The following B3GALT1 variants were observed in gnomAD, a reference collection of about 807,000 sequenced individuals.
The protein encoded by B3GALT1 is beta-1,3-galactosyltransferase 1, also known as UDP-Gal:betaGlcNAc beta 1,3-galactosyltransferase, polypeptide 1.
Under a neutral mutation model 23.2 loss-of-function variants are expected in B3GALT1, and 10 were observed. The ratio of observed to expected loss-of-function variants is 0.43; its 90% CI spans 0.27 to 0.73. B3GALT1 has a LOEUF of 0.73. B3GALT1 is among the 30% of genes least tolerant of loss of function. B3GALT1 has a pLI of 0.21. For synonymous variants in B3GALT1, 156 were observed against 141.5 expected (o/e 1.10, Z -0.73); for missense variants, 299 against 405.4 (o/e 0.74, Z 2.25).
rs573587038 is a variant in B3GALT1, at chr2:167,696,662, T to A, written c.-352+49696T>A. Among the ~76,000 whole-genome samples the A allele has an allele frequency of 3.9e-5, 6 of 152,290 alleles. No individual in the cohort carries two copies. The East Asian group carries it at 9.7e-4, about 25-fold the overall frequency. ...CATATAATAAAATATTTGGTCAAATTATATCCGAACAGAAGTTAATGTAGG... is the reference window on the plus strand; with the variant it reads ...CATATAATAAAATATTTGGTCAAATAATATCCGAACAGAAGTTAATGTAGG... On this transcript the variant is annotated intron_variant, in intron 3 of 4. Coordinates refer to ENST00000392690, the MANE Select transcript of B3GALT1 (RefSeq NM_020981.4).
chr2:167,455,792 C>T (rs975391081), intron 1 of B3GALT1, among the ~76,000 whole-genome samples: 1 of 152,180 alleles, frequency 6.6e-6, no homozygotes, highest in Admixed American at 6.5e-5. Context: ...GGATTAGAGA[C>T]ATGGGCCCTC....
At chr2:167,307,128 C>G (rs558666176) in intron 1 of B3GALT1, among the ~76,000 whole-genome samples, 3 of 151,556 alleles carry the variant, frequency 2.0e-5, no homozygotes, top group Non-Finnish European at 4.4e-5. Flanking sequence ...AAAAGATTAC[C>G]CATGGTAGTG....
chr2:167,573,750 A>G lies in B3GALT1; in HGVS notation c.-409-73159A>G, dbSNP rs551996364. 2.0e-5 allele frequency among the ~76,000 whole-genome samples: 3 copies of G among 151,818 alleles called. No individual in the cohort carries two copies. In the East Asian group the frequency reaches 5.8e-4, roughly 29 times the overall value. ...GTTCATTACACAAAGAATAGGCTAC[A>G]TAAATAACCTATTCCAATAATCCAG... On this transcript the variant is annotated intron_variant, in intron 2 of 4. Coordinates refer to ENST00000392690, the MANE Select transcript of B3GALT1 (RefSeq NM_020981.4).
rs1032112373 is a variant in B3GALT1, at chr2:167,874,037, G to C, written c.*4017G>C. On this transcript the variant is annotated 3_prime_UTR_variant, in exon 5 of 5. Coordinates refer to ENST00000392690, the MANE Select transcript of B3GALT1 (RefSeq NM_020981.4). ...AACCATTGGGACAAATAAACAGAAG[G>C]AGAACAAATGTGTCACTTCTCTTCT... 1 of 152,186 alleles carries C rather than the reference G, an allele frequency of 6.6e-6. No individual in the cohort carries two copies. Among genetic ancestry groups the C allele is most frequent in the Admixed American group, 6.5e-5 (1 of 15,280 alleles). 9.4% of individuals were successfully genotyped at this position (152,186 alleles called of 1,614,324 possible).
At chr2:167,674,232 A>G (rs1339382723) in intron 3 of B3GALT1, among the ~76,000 whole-genome samples, 4 of 152,172 alleles carry the variant, frequency 2.6e-5, no homozygotes, top group African/African-American at 4.8e-5. Context: ...CCTGCCAACA[A>G]TCTGTTCAGA....
chr2:167,700,383 C>G (rs59638424), intron 3 of B3GALT1, among the ~76,000 whole-genome samples: 16,931 of 152,052 alleles, frequency 0.11, 1,103 homozygotes, highest in East Asian at 0.34. Flanking sequence ...TTTATTACCA[C>G]TATAGAAATA....
intron 3 of B3GALT1, among the ~76,000 whole-genome samples, chr2:167,788,822 T>C (rs1394515871): frequency 6.6e-6 from 1 of 152,146 alleles, no homozygotes; most frequent in Non-Finnish European, 1.5e-5. Context: ...CCTAAGATAA[T>C]GACCAAGGGA....
At chr2:167,808,103 T>C (rs1367073494) in intron 3 of B3GALT1, among the ~76,000 whole-genome samples, 1 of 151,474 alleles carries the variant, frequency 6.6e-6, no homozygotes, top group Non-Finnish European at 1.5e-5. Flanking sequence ...AAGTCTGTTT[T>C]ATCAGAGACT....
chr2:167,451,687 C>G (rs1008853648), intron 1 of B3GALT1, among the ~76,000 whole-genome samples: 5 of 152,272 alleles, frequency 3.3e-5, no homozygotes, highest in Admixed American at 1.3e-4. Flanking sequence ...CAGGAGGTGG[C>G]TCTTTCAGGA....
intron 3 of B3GALT1, among the ~76,000 whole-genome samples, chr2:167,683,297 G>T (rs1375310): frequency 0.019 from 2,886 of 152,208 alleles, 213 homozygotes; most frequent in Admixed American, 0.13. Flanking sequence ...AAGGTGCAGG[G>T]TGATCAAAAT....
chr2:167,822,975 G>T (rs2105368205), intron 4 of B3GALT1, among the ~76,000 whole-genome samples: 1 of 152,292 alleles, frequency 6.6e-6, no homozygotes, highest in Non-Finnish European at 1.5e-5. Flanking sequence ...TTAGAGTTGG[G>T]CATGGCCACA....
chr2:167,462,035 A>G, intron 1 of B3GALT1, among the ~76,000 whole-genome samples: 1 of 152,184 alleles, frequency 6.6e-6, no homozygotes, highest in East Asian at 1.9e-4. Context: ...ATGTCAAGCT[A>G]CCAGTGTGTC....
At chr2:167,825,476 G>A (rs1441134228) in intron 4 of B3GALT1, among the ~76,000 whole-genome samples, 2 of 145,994 alleles carry the variant, frequency 1.4e-5, no homozygotes, top group Non-Finnish European at 3.0e-5. Flanking sequence ...GTGTGTGTGT[G>A]TTATATATAA....
At chr2:167,681,124 G>A (rs1323532217) in intron 3 of B3GALT1, among the ~76,000 whole-genome samples, 2 of 152,164 alleles carry the variant, frequency 1.3e-5, no homozygotes, top group African/African-American at 4.8e-5. Flanking sequence ...TAGAAATGAG[G>A]AGAGGAGCTC....
At chr2:167,424,665 G>A (rs1698598669) in intron 1 of B3GALT1, among the ~76,000 whole-genome samples, 1 of 152,160 alleles carries the variant, frequency 6.6e-6, no homozygotes, top group Non-Finnish European at 1.5e-5. Context: ...AGACAAGTCT[G>A]TAAGTCCTAG....
intron 1 of B3GALT1, among the ~76,000 whole-genome samples, chr2:167,407,313 T>C (rs1268371650): frequency 1.3e-5 from 2 of 151,964 alleles, no homozygotes; most frequent in East Asian, 3.9e-4. Flanking sequence ...AAATACAACA[T>C]ACTAAAATCG....
intron 1 of B3GALT1, among the ~76,000 whole-genome samples, chr2:167,451,395 T>C (rs905950763): frequency 1.3e-5 from 2 of 151,950 alleles, no homozygotes; most frequent in Non-Finnish European, 2.9e-5. Context: ...ATTTCCTTGA[T>C]GTAGTACTCT....
chr2:167,304,609 G>A (rs1388373875), intron 1 of B3GALT1, among the ~76,000 whole-genome samples: 1 of 152,030 alleles, frequency 6.6e-6, no homozygotes, highest in Non-Finnish European at 1.5e-5. Flanking sequence ...AATAAAGTAT[G>A]TGTATGTGAG....
intron 3 of B3GALT1, among the ~76,000 whole-genome samples, chr2:167,690,839 A>G (rs941333277): frequency 1.8e-4 from 28 of 152,034 alleles, no homozygotes; most frequent in Non-Finnish European, 4.4e-5. Flanking sequence ...GCCAATTTTC[A>G]TTGTTCTCTT....
Sources: allele counts gnomAD v4.1 joint callset (sites outside exome capture counted in the v4.1 genomes callset), GRCh38; gene constraint gnomAD v4.1.1; transcripts MANE v1.5; gene names NCBI Gene and HGNC (gene_info 2026-07-23, HGNC 2026-07-21).